The following ERICH3 variants were observed in gnomAD, a reference collection of about 807,000 sequenced individuals.
ERICH3 encodes the protein glutamate rich 3, also known as glutamate-rich protein 3.
ERICH3 carries 126 observed loss-of-function variants against 131.1 expected under a neutral mutation model. That is an observed-to-expected ratio of 0.96 (90% CI 0.83 to 1.11). The LOEUF is 1.11. Ranked by LOEUF, ERICH3 falls within the 50% of genes most tolerant of loss-of-function variation. The pLI, the probability that ERICH3 is intolerant of heterozygous loss-of-function variation, is 0.00. For missense variants in ERICH3, 2,050 were observed against 1,810.7 expected (o/e 1.13, Z -2.40); for synonymous variants, 695 against 644.6 (o/e 1.08, Z -1.18).
At chr1:74,622,637 G>A (rs1360848985) in intron 7 of ERICH3, 1 of 152,162 alleles carries the variant, frequency 6.6e-6, no homozygotes, top group East Asian at 1.9e-4. Context: ...AATACTTTCT[G>A]AAGCAGCATG....
chr1:74,593,603 T>C (rs1219589824), intron 11 of ERICH3, among the ~76,000 whole-genome samples: 2 of 152,168 alleles, frequency 1.3e-5, no homozygotes, highest in Non-Finnish European at 2.9e-5. Flanking sequence ...AATTTCTCTC[T>C]TGTAATTTCT....
chr1:74,573,785 G>A (rs1647003401), intron 13 of ERICH3, among the ~76,000 whole-genome samples: 1 of 151,734 alleles, frequency 6.6e-6, no homozygotes, highest in Admixed American at 6.6e-5. Context: ...GCAGCAATAA[G>A]CAAAAAAAAT....
intron 1 of ERICH3, among the ~76,000 whole-genome samples, chr1:74,664,668 A>G (rs1443909200): frequency 6.6e-6 from 1 of 152,122 alleles, no homozygotes; most frequent in Non-Finnish European, 1.5e-5. Context: ...TTGCTTCAAT[A>G]TTTTGCCCTG....
intron 1 of ERICH3, among the ~76,000 whole-genome samples, chr1:74,660,729 C>A (rs1379951849): frequency 2.0e-5 from 3 of 149,278 alleles, no homozygotes; most frequent in South Asian, 4.2e-4. Flanking sequence ...CACATAAATA[C>A]TTTTACTCAT....
At chr1:74,662,096 AG>A (rs1174048134) in intron 1 of ERICH3, among the ~76,000 whole-genome samples, 1 of 152,148 alleles carries the variant, frequency 6.6e-6, no homozygotes, top group Non-Finnish European at 1.5e-5. Flanking sequence ...ACCCTGCCTG[AG>A]TTCTCCTTCT....
In ERICH3 at chr1:74,569,014, T is replaced by C. The variant is rs1185312971; in HGVS notation, c.*1444A>G. The C allele has an allele frequency of 6.6e-6, 1 of 152,184 alleles. No homozygotes were observed. The highest frequency in any genetic ancestry group is 1.5e-5 in the Non-Finnish European group (1 of 68,026). 9.4% of individuals were successfully genotyped at this position (152,184 alleles called of 1,614,324 possible). ...GACCAGTCTACTATCTGGTCCAGTG[T>C]ATTTTTGATCATTGAATGGCTCCAT... is the stretch of plus-strand genomic sequence containing the variant. On this transcript the variant is annotated 3_prime_UTR_variant, in exon 15 of 15. Coordinates refer to ENST00000326665, the MANE Select transcript of ERICH3 (RefSeq NM_001002912.5).
intron 1 of ERICH3, among the ~76,000 whole-genome samples, chr1:74,663,091 A>G (rs146081878): frequency 6.6e-6 from 1 of 152,184 alleles, no homozygotes; most frequent in Non-Finnish European, 1.5e-5. Flanking sequence ...AATTAACCCA[A>G]CTCTGCATCT....
chr1:74,629,392 G>A (rs555078524), intron 7 of ERICH3, among the ~76,000 whole-genome samples: 16 of 152,010 alleles, frequency 1.1e-4, no homozygotes, highest in African/African-American at 3.9e-4. Context: ...TGGAAAAAAA[G>A]AAGAGTAAGT....
chr1:74,654,830 A>G (rs1261537148), intron 1 of ERICH3, among the ~76,000 whole-genome samples: 3 of 152,198 alleles, frequency 2.0e-5, no homozygotes, highest in African/African-American at 4.8e-5. Context: ...CAAAGACCAT[A>G]TAACCTAAGG....
rs775302872 is a variant in ERICH3, at chr1:74,589,884, T to C, written c.1923A>G (p.Glu641=). The change falls in exon 12 of 15, where the codon GAA becomes GAG. Residue 641 remains glutamate (E), a synonymous_variant. Coordinates refer to ENST00000326665, the MANE Select transcript of ERICH3 (RefSeq NM_001002912.5). ...KSHLPIEESL[E]IEIEDQEITK... ...TTATTTCTTGGTCTTCAATTTCAAT[T>C]TCTAAGGATTCCTCAATTGGAAGGT... is the stretch of plus-strand genomic sequence containing the variant. 2.7e-5 allele frequency: 43 copies of C among 1,613,958 alleles called. No homozygotes were observed. In the East Asian group the frequency reaches 9.1e-4, roughly 34 times the overall value.
At position 74,589,809 on chromosome 1, in the gene ERICH3, C is replaced by T; in HGVS notation, c.1998G>A (p.Glu666=). The change falls in exon 12 of 15, where the codon GAG becomes GAA. Residue 666 remains glutamate (E), a synonymous_variant. Coordinates refer to ENST00000326665, the MANE Select transcript of ERICH3 (RefSeq NM_001002912.5). ...TKPMPIDESF[E]NVLKEGTEKG... is the part of the protein sequence containing the mutation. ...TCTCCGTTCCTTCTTTAAGAACATT[C>T]TCAAAGCTTTCGTCTATTGGCATCG... The T allele has an allele frequency of 6.2e-7, 1 of 1,614,090 alleles. No homozygotes were observed. Among genetic ancestry groups the T allele is most frequent in the Non-Finnish European group, 8.5e-7 (1 of 1,179,984 alleles).
Position 74,641,373 on chromosome 1 carries a change from A to G in ERICH3, c.402T>C (p.His134=). ...AATGTCCTTCATCAACCAGAACACT[A>G]TGGCCACGATTACTCTTTGGGCCAA... is the stretch of plus-strand genomic sequence containing the variant. ...PPVGPKSNRG[H]SVLVDEGHSS... is the part of the protein sequence containing the mutation. The change falls in exon 5 of 15, where the codon CAT becomes CAC. Residue 134 remains histidine (H), a synonymous_variant. Transcript: ENST00000326665. 1.2e-5 allele frequency: 19 copies of G among 1,612,952 alleles called. No individual in the cohort carries two copies. The highest frequency in any genetic ancestry group is 1.6e-5 in the Non-Finnish European group (19 of 1,179,442).
intron 5 of ERICH3, among the ~76,000 whole-genome samples, chr1:74,637,972 T>G: frequency 6.6e-6 from 1 of 152,074 alleles, no homozygotes; most frequent in East Asian, 1.9e-4. Context: ...TTGACCCAAT[T>G]GTTCTAATGC....
chr1:74,641,245 C>A lies in ERICH3; in HGVS notation c.444+86G>T, dbSNP rs1646434714. 11 of 1,469,582 alleles carry A rather than the reference C, an allele frequency of 7.5e-6. No homozygotes were observed. The South Asian group carries it at 1.3e-4, about 17-fold the overall frequency. 91.0% of individuals were successfully genotyped at this position (1,469,582 alleles called of 1,614,324 possible). A position where few individuals can be genotyped will look rare whatever the true frequency, so the allele number is the denominator to read the frequency against. On this transcript the variant is annotated intron_variant, in intron 5 of 14. Transcript: ENST00000326665. ...GGACTGGCAGCATTACGGAGTCATGCTCCCAGAGAGTATCCCTTCTGAGAA... is the reference window on the plus strand; with the variant it reads ...GGACTGGCAGCATTACGGAGTCATGATCCCAGAGAGTATCCCTTCTGAGAA...
chr1:74,599,618 A>G lies in ERICH3; in HGVS notation c.1726+77T>C, dbSNP rs977726006. On this transcript the variant is annotated intron_variant, in intron 11 of 14. Transcript: ENST00000326665. ...AAGAGAAAAAAAAGAGGATTATCTC[A>G]TTAAATAGAAAACAAAGAAAAGTAG... The G allele has an allele frequency of 6.6e-6, 8 of 1,216,904 alleles. No individual in the cohort carries two copies. The South Asian group carries it at 1.1e-4, about 16-fold the overall frequency. 75.4% of individuals were successfully genotyped at this position (1,216,904 alleles called of 1,614,324 possible). A position where few individuals can be genotyped will look rare whatever the true frequency, so the allele number is the denominator to read the frequency against.
chr1:74,670,945 T>C (rs1355834067), intron 1 of ERICH3, among the ~76,000 whole-genome samples: 2 of 152,116 alleles, frequency 1.3e-5, no homozygotes, highest in East Asian at 3.9e-4. Context: ...TCTGGGAGTG[T>C]CTGTCTTATG....
intron 12 of ERICH3, chr1:74,578,699 TC>T (rs1647119953): frequency 1.6e-5 from 1 of 61,304 alleles, no homozygotes; most frequent in Middle Eastern, 9.3e-3. Context: ...TTTCTTTACT[TC>T]CTTCCTTCCT....
At chr1:74,589,489 G>C in intron 12 of ERICH3, 142 bp downstream of exon 12, 2 of 789,552 alleles carry the variant, frequency 2.5e-6, no homozygotes, top group Non-Finnish European at 4.2e-6. Flanking sequence ...ATGATTATGT[G>C]ACAAAGAGAG....
At chr1:74,590,833 G>T (rs696691) in intron 11 of ERICH3, among the ~76,000 whole-genome samples, 147,073 of 152,280 alleles carry the variant, frequency 0.97, 71,056 homozygotes, top group East Asian at 1. Flanking sequence ...AAATTTTCAA[G>T]AGATCACATT....
Sources: gnomAD v4.1 joint callset for allele counts (sites outside exome capture counted in the v4.1 genomes callset) on GRCh38, gnomAD v4.1.1 for gene constraint, MANE v1.5 for transcripts, NCBI Gene and HGNC (gene_info 2026-07-23, HGNC 2026-07-21) for gene names.